RANBP2: variants seen among roughly 807,000 people sequenced by gnomAD.
The protein encoded by RANBP2 is RAN binding protein 2, also known as E3 SUMO-protein ligase RanBP2.
RANBP2 carries 57 observed loss-of-function variants against 303.6 expected under a neutral mutation model. That is an observed-to-expected ratio of 0.19 (90% CI 0.15 to 0.23). The LOEUF (loss-of-function observed/expected upper bound fraction) is 0.23. RANBP2 is among the 10% of genes least tolerant of loss of function. The pLI, the probability that RANBP2 is intolerant of heterozygous loss-of-function variation, is 1.00. For missense variants in RANBP2, 3,138 were observed against 3,780.8 expected (o/e 0.83, Z 4.46); for synonymous variants, 1,167 against 1,301.5 (o/e 0.90, Z 2.23).
At position 108,766,564 on chromosome 2, in the gene RANBP2, G is replaced by C. The variant is rs1159887089; in HGVS notation, c.6025G>C (p.Asp2009His). Residue 2009 changes from aspartate to histidine, a missense_variant, in exon 20 of 29, where the codon GAT becomes CAT. Asp to His is a moderately conservative substitution (Grantham distance 81, BLOSUM62 -1). Around this residue, in one of 20 missense-constraint regions of RANBP2, gnomAD observed 348 missense variants for 360.4 expected, o/e 0.97. Coordinates refer to ENST00000283195, the MANE Select transcript of RANBP2 (RefSeq NM_006267.5). ...TGATGCCTATAAGACTGAGGACAGC[G>C]ATGACATCCATTTTGAACCAGTAGT... ...DDDAYKTEDS[D>H]DIHFEPVVQM... The C allele has an allele frequency of 6.2e-7, 1 of 1,611,950 alleles. No individual in the cohort carries two copies. The highest frequency in any genetic ancestry group is 8.5e-7 in the Non-Finnish European group (1 of 1,179,830).
chr2:109,021,254 T>G, the RANBP2 span, among the ~76,000 whole-genome samples: 1 of 152,160 alleles, frequency 6.6e-6, no homozygotes, highest in Non-Finnish European at 1.5e-5. Context: ...TCGGGCGCGG[T>G]GGCTCACGCC....
intron 1 of RANBP2, among the ~76,000 whole-genome samples, chr2:108,726,481 C>T (rs1458265518): frequency 1.4e-5 from 2 of 144,008 alleles, no homozygotes; most frequent in East Asian, 2.0e-4. Flanking sequence ...TTTATTTTCT[C>T]ATGGTTCTGG....
At chr2:108,777,962 T>C (rs930470498) in intron 25 of RANBP2, among the ~76,000 whole-genome samples, 1 of 151,436 alleles carries the variant, frequency 6.6e-6, no homozygotes, top group African/African-American at 2.5e-5. Flanking sequence ...TTTTCACAGC[T>C]CCTGCCACCT....
the RANBP2 span, among the ~76,000 whole-genome samples, chr2:109,288,599 A>C: frequency 6.6e-6 from 1 of 152,194 alleles, no homozygotes; most frequent in Non-Finnish European, 1.5e-5. Context: ...CTGTTTCCTG[A>C]CAGCACACTG....
chr2:109,694,801 A>ATGTGTGTGTG, the RANBP2 span, among the ~76,000 whole-genome samples: 304 of 146,322 alleles, frequency 2.1e-3, no homozygotes, highest in African/African-American at 6.7e-3. Context: ...ATCCATAGGG[A>ATGTGTGTGTG]TGTGTGTGTG....
At chr2:108,953,915 T>C in the RANBP2 span, among the ~76,000 whole-genome samples, 1 of 152,202 alleles carries the variant, frequency 6.6e-6, no homozygotes, top group Non-Finnish European at 1.5e-5. Flanking sequence ...TCCTTTGAAA[T>C]AATGTTTTTC....
At chr2:109,557,010 G>A in the RANBP2 span, among the ~76,000 whole-genome samples, 3 of 151,966 alleles carry the variant, frequency 2.0e-5, no homozygotes, top group South Asian at 2.1e-4. Flanking sequence ...ATCACACACC[G>A]GAGCCTGTTG....
At chr2:109,426,712 G>T in the RANBP2 span, among the ~76,000 whole-genome samples, 43 of 152,314 alleles carry the variant, frequency 2.8e-4, no homozygotes, top group African/African-American at 9.9e-4. Context: ...AATTTTGAAA[G>T]AAATTCTACT....
the RANBP2 span, among the ~76,000 whole-genome samples, chr2:109,451,041 G>A: frequency 6.6e-6 from 1 of 152,222 alleles, no homozygotes; most frequent in Non-Finnish European, 1.5e-5. Flanking sequence ...CTCAACATGA[G>A]CCGGGAACGC....
the RANBP2 span, among the ~76,000 whole-genome samples, chr2:109,075,049 A>T: frequency 9.8e-6 from 1 of 101,648 alleles, no homozygotes; most frequent in African/African-American, 3.8e-5. Context: ...AAAAAAAAAA[A>T]GAAGAAGAAG....
chr2:109,000,835 C>T, the RANBP2 span, among the ~76,000 whole-genome samples: 9,436 of 152,130 alleles, frequency 0.062, 497 homozygotes, highest in African/African-American at 0.14. Context: ...CGGAGGCACA[C>T]AGGATGAGGA....
At chr2:109,376,590 A>G in the RANBP2 span, among the ~76,000 whole-genome samples, 1 of 152,250 alleles carries the variant, frequency 6.6e-6, no homozygotes, top group Non-Finnish European at 1.5e-5. Context: ...CTGCCTCCAC[A>G]TTGACAACAT....
At chr2:109,097,114 G>A in the RANBP2 span, among the ~76,000 whole-genome samples, 1 of 152,062 alleles carries the variant, frequency 6.6e-6, no homozygotes, top group Non-Finnish European at 1.5e-5. Context: ...GACCATCCTG[G>A]CCAACATGGT....
At chr2:108,983,155 C>T in the RANBP2 span, among the ~76,000 whole-genome samples, 1 of 152,180 alleles carries the variant, frequency 6.6e-6, no homozygotes, top group Non-Finnish European at 1.5e-5. Context: ...GAGATACAGG[C>T]TTTCTGCAGA....
chr2:108,857,040 A>G, the RANBP2 span: 1 of 347,304 alleles, frequency 2.9e-6, no homozygotes, highest in Non-Finnish European at 5.4e-6. Context: ...GTCTGCATGT[A>G]TAACTCCACA....
the RANBP2 span, among the ~76,000 whole-genome samples, chr2:108,964,202 G>C: frequency 6.6e-6 from 1 of 152,156 alleles, no homozygotes; most frequent in Non-Finnish European, 1.5e-5. Context: ...AAACATCCAG[G>C]CTTGTATAGA....
the RANBP2 span, among the ~76,000 whole-genome samples, chr2:109,466,902 T>C: frequency 2.0e-5 from 3 of 152,278 alleles, no homozygotes; most frequent in African/African-American, 7.2e-5. Flanking sequence ...CATGTGTTTG[T>C]GTATGTGTGT....
At chr2:109,681,376 T>C in the RANBP2 span, among the ~76,000 whole-genome samples, 1 of 152,236 alleles carries the variant, frequency 6.6e-6, no homozygotes, top group African/African-American at 2.4e-5. Flanking sequence ...TTTGTACACG[T>C]ATTCAAGCAC....
the RANBP2 span, among the ~76,000 whole-genome samples, chr2:109,164,948 G>A: frequency 6.6e-6 from 1 of 152,188 alleles, no homozygotes; most frequent in African/African-American, 2.4e-5. Context: ...ATGACAATGG[G>A]GAGGTCGTAA....
Sources: allele counts gnomAD v4.1 joint callset (sites outside exome capture counted in the v4.1 genomes callset), GRCh38; gene constraint gnomAD v4.1.1; regional missense constraint gnomAD v4.1.1; transcripts MANE v1.5; gene names NCBI Gene and HGNC (gene_info 2026-07-23, HGNC 2026-07-21).